The following SLC4A5 variants were observed in gnomAD, a reference collection of about 807,000 sequenced individuals.
SLC4A5 encodes solute carrier family 4 member 5.
SLC4A5 carries 96 observed loss-of-function variants against 120.4 expected under a neutral mutation model. The observed-to-expected ratio is 0.80, with a 90% CI of 0.68 to 0.94. The LOEUF is 0.94. Among genes scored for constraint, SLC4A5 ranks in the 40% least tolerant of loss-of-function variants. The pLI is 0.00. For missense variants in SLC4A5, 1,259 were observed against 1,459.5 expected (o/e 0.86, Z 2.24); for synonymous variants, 550 against 571.1 (o/e 0.96, Z 0.53).
At chr2:74,326,712 G>A (rs1242965649) in intron 5 of SLC4A5, among the ~76,000 whole-genome samples, 11 of 152,014 alleles carry the variant, frequency 7.2e-5, no homozygotes, top group South Asian at 4.2e-4. Context: ...CTAGCTACTC[G>A]GGAGGCTGAG....
At chr2:74,326,965 A>G (rs890133603) in intron 5 of SLC4A5, among the ~76,000 whole-genome samples, 1 of 152,210 alleles carries the variant, frequency 6.6e-6, no homozygotes, top group Non-Finnish European at 1.5e-5. Flanking sequence ...TAGTCATCAG[A>G]GCCCTTGTGA....
At chr2:74,229,263 G>GGC (rs1558867230) in intron 25 of SLC4A5, among the ~76,000 whole-genome samples, 43 of 148,952 alleles carry the variant, frequency 2.9e-4, no homozygotes, top group African/African-American at 1.0e-3. Flanking sequence ...TTTTTTTGGG[G>GGC]GGGGCACGGA....
intron 7 of SLC4A5, among the ~76,000 whole-genome samples, chr2:74,300,020 A>G (rs566045790): frequency 5.2e-5 from 8 of 152,384 alleles, no homozygotes; most frequent in African/African-American, 1.9e-4. Context: ...ACAAATATAT[A>G]CAATGGAATA....
intron 18 of SLC4A5, 100 bp downstream of exon 18, chr2:74,248,253 C>G (rs904338695): frequency 4.3e-5 from 63 of 1,478,350 alleles, no homozygotes; most frequent in Non-Finnish European, 5.4e-5. Context: ...TTGGCACCAC[C>G]GCACCACCAC....
At chr2:74,217,105 T>C (rs1694468486) in exon 31 of SLC4A5, 1 of 152,182 alleles carries the variant, frequency 6.6e-6, no homozygotes, top group South Asian at 2.1e-4. Context: ...ACAGAGGCAA[T>C]TACCTGTCCT....
At chr2:74,327,603 A>G (rs1407147418) in intron 5 of SLC4A5, among the ~76,000 whole-genome samples, 3 of 152,218 alleles carry the variant, frequency 2.0e-5, no homozygotes, top group Non-Finnish European at 4.4e-5. Flanking sequence ...AAACCTAAAA[A>G]CAAAAATGTG....
intron 5 of SLC4A5, among the ~76,000 whole-genome samples, chr2:74,327,408 G>A (rs1673242184): frequency 6.6e-6 from 1 of 152,174 alleles, no homozygotes; most frequent in South Asian, 2.1e-4. Context: ...AATGACACGG[G>A]GTCATGCTGG....
intron 7 of SLC4A5, among the ~76,000 whole-genome samples, chr2:74,304,188 T>C (rs1342842654): frequency 4.6e-5 from 7 of 152,136 alleles, no homozygotes; most frequent in Admixed American, 4.6e-4. Flanking sequence ...GACCGTATGG[T>C]CCTTGGAATT....
chr2:74,290,218 C>T, intron 7 of SLC4A5: 1 of 985,498 alleles, frequency 1.0e-6, no homozygotes, highest in Non-Finnish European at 1.2e-6. Context: ...GAGCAGGATG[C>T]AAACCAGTTC....
intron 1 of SLC4A5, among the ~76,000 whole-genome samples, chr2:74,343,081 A>T (rs1673660860): frequency 6.6e-6 from 1 of 152,228 alleles, no homozygotes; most frequent in Non-Finnish European, 1.5e-5. Flanking sequence ...GACACAGCAG[A>T]ACAAAATCGC....
intron 10 of SLC4A5, among the ~76,000 whole-genome samples, chr2:74,263,236 G>C (rs1324447128): frequency 6.6e-6 from 1 of 152,054 alleles, no homozygotes; most frequent in Non-Finnish European, 1.5e-5. Context: ...TATGCCATGG[G>C]GTTTAAGCCA....
In SLC4A5 at chr2:74,328,077, T is replaced by A. The variant is rs905702817; in HGVS notation, c.-3+43A>T. ...TGAAACACATTTTCCCTTATCTGCA[T>A]AGCTCTGTCTACTTTCTCTGAAGCT... is the stretch of plus-strand genomic sequence containing the variant. On this transcript the variant is annotated intron_variant, in intron 5 of 30. Coordinates refer to ENST00000394019, the Ensembl canonical transcript of SLC4A5. The A allele has an allele frequency of 7.3e-6, 7 of 962,708 alleles. No homozygotes were observed. In the African/African-American group the frequency reaches 1.2e-4, roughly 17 times the overall value. The allele number at this position is 962,708 out of a possible 1,614,324, so 59.6% of individuals were successfully genotyped here.
intron 5 of SLC4A5, among the ~76,000 whole-genome samples, chr2:74,324,156 C>A (rs59468240): frequency 0.12 from 17,993 of 152,152 alleles, 1,443 homozygotes; most frequent in East Asian, 0.46. Context: ...TCTATTTGTT[C>A]AAAGTGAATC....
intron 7 of SLC4A5, among the ~76,000 whole-genome samples, chr2:74,287,620 G>A (rs1463538993): frequency 2.0e-5 from 3 of 151,972 alleles, no homozygotes; most frequent in Admixed American, 6.6e-5. Context: ...CCTTGTCAGC[G>A]CCCTCACTGT....
intron 25 of SLC4A5, 35 bp from the exon 26 acceptor site, chr2:74,227,913 C>G: frequency 1.3e-6 from 2 of 1,541,570 alleles, no homozygotes; most frequent in Non-Finnish European, 1.7e-6. Context: ...TCGGCCTCTG[C>G]CTGGGGCGGC....
chr2:74,258,328 G>A (rs1166193328), intron 12 of SLC4A5, among the ~76,000 whole-genome samples: 1 of 152,242 alleles, frequency 6.6e-6, no homozygotes, highest in African/African-American at 2.4e-5. Context: ...GTATCAGCAA[G>A]GAGAACCAGA....
At chr2:74,332,703 T>TTGTGTGTGTGTGTGTGTGTGTG (rs3834171) in intron 4 of SLC4A5, among the ~76,000 whole-genome samples, 1 of 148,200 alleles carries the variant, frequency 6.7e-6, no homozygotes, top group African/African-American at 2.5e-5. Context: ...GGGTGTCCAT[T>TTGTGTGTGTGTGTGTGTGTGTG]TGTGTGTGTG....
intron 30 of SLC4A5, among the ~76,000 whole-genome samples, chr2:74,220,840 T>G (rs534950652): frequency 1.4e-4 from 19 of 135,894 alleles, no homozygotes; most frequent in Admixed American, 5.4e-4. Flanking sequence ...ATATTTCCTT[T>G]CTTTTTTTTT....
chr2:74,271,118 A>G (rs559497116), intron 8 of SLC4A5, among the ~76,000 whole-genome samples: 8 of 152,270 alleles, frequency 5.3e-5, no homozygotes, highest in African/African-American at 1.9e-4. Flanking sequence ...CAAAGATTCT[A>G]CATTTCTAAT....
Sources: allele counts gnomAD v4.1 joint callset (sites outside exome capture counted in the v4.1 genomes callset), GRCh38; gene constraint gnomAD v4.1.1; transcripts MANE v1.5; gene names NCBI Gene and HGNC (gene_info 2026-07-23, HGNC 2026-07-21).